ENTPD5: variants seen among roughly 807,000 people sequenced by gnomAD.
ENTPD5 encodes ectonucleoside triphosphate diphosphohydrolase 5 (inactive).
A neutral mutation model predicts 60.2 loss-of-function variants in ENTPD5; 49 were observed. That is an observed-to-expected ratio of 0.81 (90% CI 0.65 to 1.03). The LOEUF (loss-of-function observed/expected upper bound fraction) is 1.03. Among genes scored for constraint, ENTPD5 ranks in the 50% least tolerant of loss-of-function variants. The probability of loss-of-function intolerance (pLI) is 0.00; values close to 1 mark genes in which losing one functional copy is unlikely to be tolerated. For missense variants in ENTPD5, 480 were observed against 507.6 expected, an observed-to-expected ratio of 0.95 and a Z score of 0.52; for synonymous variants, 187 against 185.4, an observed-to-expected ratio of 1.01 and a Z score of -0.07.
intron 14 of ENTPD5, among the ~76,000 whole-genome samples, chr14:73,971,162 G>GTT (rs113156308): frequency 1.1e-4 from 16 of 144,464 alleles, no homozygotes; most frequent in Non-Finnish European, 2.0e-4. Context: ...AAGCCTCTTT[G>GTT]TTTTTTTTTT....
chr14:73,961,688 G>A (rs769303776), downstream of ENTPD5: 2 of 1,612,320 alleles, frequency 1.2e-6, no homozygotes, highest in East Asian at 2.2e-5. Context: ...GGAGATGGAA[G>A]AAAACCTTAT....
chr14:73,970,477 G>A (rs2057176401), intron 14 of ENTPD5, among the ~76,000 whole-genome samples: 1 of 151,952 alleles, frequency 6.6e-6, no homozygotes, highest in South Asian at 2.1e-4. Flanking sequence ...GGGTGACAGA[G>A]CAAGACTCTG....
chr14:73,997,091 G>A (rs1474089748), intron 3 of ENTPD5, among the ~76,000 whole-genome samples: 2 of 152,132 alleles, frequency 1.3e-5, no homozygotes, highest in East Asian at 3.8e-4. Context: ...AAGGTGGGAT[G>A]GGACTGGGAA....
intron 3 of ENTPD5, among the ~76,000 whole-genome samples, chr14:74,003,055 G>T (rs1454790433): frequency 6.6e-6 from 1 of 152,096 alleles, no homozygotes; most frequent in East Asian, 1.9e-4. Flanking sequence ...TCAAATACTT[G>T]TTTAAAAATC....
intron 3 of ENTPD5, among the ~76,000 whole-genome samples, chr14:74,010,121 C>T (rs1291056902): frequency 6.6e-6 from 1 of 152,030 alleles, no homozygotes; most frequent in Non-Finnish European, 1.5e-5. Context: ...AGAAAGGAGT[C>T]TCGCTATGTT....
chr14:73,957,163 TCTC>T (rs2056477518), downstream of ENTPD5, among the ~76,000 whole-genome samples: 1 of 151,874 alleles, frequency 6.6e-6, no homozygotes, highest in South Asian at 2.1e-4. Context: ...AGTGGCACAG[TCTC>T]GGCTCACTGC....
At chr14:73,985,646 T>C (rs1185832623) in intron 5 of ENTPD5, among the ~76,000 whole-genome samples, 1 of 152,206 alleles carries the variant, frequency 6.6e-6, no homozygotes, top group Non-Finnish European at 1.5e-5. Flanking sequence ...TATTAGCCCT[T>C]TGTCAGGTGG....
intron 3 of ENTPD5, among the ~76,000 whole-genome samples, chr14:74,008,555 G>C (rs1355119608): frequency 6.6e-6 from 1 of 151,784 alleles, no homozygotes; most frequent in African/African-American, 2.4e-5. Context: ...CACCATGCCC[G>C]GCTAACTTTT....
chr14:73,960,007 A>G, downstream of ENTPD5: 2 of 1,029,008 alleles, frequency 1.9e-6, no homozygotes, highest in Non-Finnish European at 2.3e-6. Flanking sequence ...ATAAATAATA[A>G]CCTTTTGAGG....
chr14:73,974,016 G>T, intron 11 of ENTPD5, 38 bp from the exon 12 acceptor site: 1 of 1,570,168 alleles, frequency 6.4e-7, no homozygotes, highest in Non-Finnish European at 8.8e-7. Flanking sequence ...AGGTAAGTAA[G>T]TGAGAGAGAG....
intron 14 of ENTPD5, among the ~76,000 whole-genome samples, chr14:73,970,561 T>C (rs2057180383): frequency 6.6e-6 from 1 of 152,094 alleles, no homozygotes; most frequent in Admixed American, 6.5e-5. Flanking sequence ...TGCTTAGGCA[T>C]CTCAGAGACT....
chr14:73,956,141 G>A (rs572871584), downstream of ENTPD5: 434 of 502,562 alleles, frequency 8.6e-4, 6 homozygotes, highest in South Asian at 7.1e-3. Flanking sequence ...TGGCTAACAT[G>A]GTGAAACCCT....
downstream of ENTPD5, chr14:73,958,656 G>C: frequency 7.7e-7 from 1 of 1,306,400 alleles, no homozygotes; most frequent in Non-Finnish European, 9.8e-7. Flanking sequence ...CCCTACATCA[G>C]AACTATTCAG....
At chr14:73,961,606 G>C, downstream of ENTPD5, 1 of 1,611,014 alleles carries the variant, frequency 6.2e-7, no homozygotes, top group Middle Eastern at 1.7e-4. Flanking sequence ...GTATCCAGAG[G>C]TCATATAGTT....
intron 12 of ENTPD5, 46 bp from the exon 13 acceptor site, chr14:73,973,070 G>A: frequency 1.2e-6 from 2 of 1,606,336 alleles, no homozygotes; most frequent in Non-Finnish European, 1.7e-6. Flanking sequence ...CGACGCTGGG[G>A]GAAGGGGACA....
chr14:74,017,253 G>A (rs1332353064), intron 1 of ENTPD5, among the ~76,000 whole-genome samples: 1 of 152,008 alleles, frequency 6.6e-6, no homozygotes, highest in Non-Finnish European at 1.5e-5. Flanking sequence ...GGGAGGTGGA[G>A]GCTGCGGTGG....
chr14:74,003,183 T>C (rs1338712303), intron 3 of ENTPD5, among the ~76,000 whole-genome samples: 1 of 152,200 alleles, frequency 6.6e-6, no homozygotes, highest in Non-Finnish European at 1.5e-5. Context: ...ACACCACTTA[T>C]CACATTCTAA....
chr14:73,976,110 A>G, intron 9 of ENTPD5, 95 bp from the exon 10 acceptor site: 2 of 1,062,456 alleles, frequency 1.9e-6, no homozygotes, highest in Non-Finnish European at 2.9e-6. Context: ...AAAATCAGAG[A>G]TGAAGACAGA....
chr14:74,009,054 C>T (rs2058764682), intron 3 of ENTPD5: 1 of 152,188 alleles, frequency 6.6e-6, no homozygotes, highest in Admixed American at 6.5e-5. Context: ...CAAAATGAGT[C>T]AGGCATAACT....
Sources: allele counts gnomAD v4.1 joint callset (sites outside exome capture counted in the v4.1 genomes callset), GRCh38; gene constraint gnomAD v4.1.1; transcripts MANE v1.5; gene names NCBI Gene and HGNC (gene_info 2026-07-23, HGNC 2026-07-21).